Variants in ZNF343 observed in about 807,000 individuals in gnomAD.
The protein encoded by ZNF343 is zinc finger protein 343.
Under a neutral mutation model 13.8 loss-of-function variants are expected in ZNF343, and 11 were observed. The ratio of observed to expected loss-of-function variants is 0.80; its 90% CI spans 0.50 to 1.32. ZNF343 has a LOEUF of 1.32. Among genes scored for constraint, ZNF343 ranks in the 40% most tolerant of loss-of-function variants. The probability of loss-of-function intolerance (pLI) is 0.00; values close to 1 mark genes in which losing one functional copy is unlikely to be tolerated. For synonymous variants in ZNF343, 248 were observed against 260.0 expected (o/e 0.95, Z 0.44); for missense variants, 658 against 714.2 (o/e 0.92, Z 0.90).
intron 1 of ZNF343, among the ~76,000 whole-genome samples, chr20:2,504,777 A>C: frequency 6.6e-6 from 1 of 152,194 alleles, no homozygotes; most frequent in Non-Finnish European, 1.5e-5. Context: ...ACTCTCAATA[A>C]ATGAGGTATT....
chr20:2,511,203 T>A (rs1330968912), upstream of ZNF343, among the ~76,000 whole-genome samples: 1 of 151,812 alleles, frequency 6.6e-6, no homozygotes, highest in Non-Finnish European at 1.5e-5. Context: ...CTCAACCTCC[T>A]GGGCTCAAGT....
intron 2 of ZNF343, among the ~76,000 whole-genome samples, chr20:2,495,162 T>G (rs1029955688): frequency 1.3e-5 from 2 of 152,224 alleles, no homozygotes; most frequent in African/African-American, 4.8e-5. Flanking sequence ...TAGGTAGAGA[T>G]GACCACTCCC....
At position 2,484,002 on chromosome 20, in the gene ZNF343, GA is replaced by G. The variant is rs1205062850; in HGVS notation, c.958del (p.Ser320GlnfsTer291). 1 of 1,614,072 alleles carries G rather than the reference GA, an allele frequency of 6.2e-7. No homozygotes were observed. The highest frequency in any genetic ancestry group is 2.2e-5 in the East Asian group (1 of 44,872). ...CCTGCACAAATAAGGCTTCTCTTCT[GA>G]ATGTGTTCTCTGGTGTCTGCTGAGG... ...SNLSRHQRTH[S>X]EEKPYLCREC... is the part of the protein sequence containing the mutation. On this transcript the variant is annotated frameshift_variant, in exon 6 of 6. Coordinates refer to ENST00000278772, the MANE Select transcript of ZNF343 (RefSeq NM_024325.6). LOFTEE classifies it low-confidence loss of function (END_TRUNC).
intron 5 of ZNF343, among the ~76,000 whole-genome samples, chr20:2,485,845 T>A (rs1460174712): frequency 6.6e-6 from 1 of 152,216 alleles, no homozygotes; most frequent in Non-Finnish European, 1.5e-5. Context: ...CCGTATGTGC[T>A]CAAAGCTGCT....
At position 2,516,660 on chromosome 20, in the gene ZNF343, G is replaced by A. The variant is rs116772347; in HGVS notation, c.-347+7795C>T. ...AGTGTCAAGATGAAACTGAGGGTCA[G>A]GGTGAAGGTGAGAGTGAGGGAGAGT... On this transcript the variant is annotated intron_variant, in intron 1 of 6. Coordinates refer to the ZNF343 transcript ENST00000358413. 1.7e-3 allele frequency among the ~76,000 whole-genome samples: 253 copies of A among 152,194 alleles called. 1 individual carries two copies. The highest frequency in any genetic ancestry group is 6.8e-3 in the Middle Eastern group (2 of 294).
At chr20:2,512,919 CAAAAAAAA>C (rs71193970), upstream of ZNF343, among the ~76,000 whole-genome samples, 1 of 125,356 alleles carries the variant, frequency 8.0e-6, no homozygotes, top group Non-Finnish European at 1.7e-5. Flanking sequence ...ATTTCTCTAC[CAAAAAAAA>C]AAAAAAAAAA....
At chr20:2,524,072 C>A (rs1367204248) in intron 1 of ZNF343, among the ~76,000 whole-genome samples, 1 of 151,770 alleles carries the variant, frequency 6.6e-6, no homozygotes, top group Non-Finnish European at 1.5e-5. Context: ...ATAATCCCAT[C>A]ACTTTGGGAG....
At chr20:2,505,086 A>G (rs2085632844) in intron 1 of ZNF343, among the ~76,000 whole-genome samples, 1 of 152,242 alleles carries the variant, frequency 6.6e-6, no homozygotes, top group South Asian at 2.1e-4. Context: ...CCTTAAGCTG[A>G]TAGGCAACTT....
upstream of ZNF343, among the ~76,000 whole-genome samples, chr20:2,511,621 C>G (rs1163563511): frequency 6.6e-6 from 1 of 152,138 alleles, no homozygotes; most frequent in African/African-American, 2.4e-5. Flanking sequence ...AAATCTCTGT[C>G]CCTTCTGTTT....
chr20:2,494,496 C>T (rs1379333960), intron 2 of ZNF343, among the ~76,000 whole-genome samples: 3 of 152,078 alleles, frequency 2.0e-5, no homozygotes, highest in African/African-American at 7.2e-5. Flanking sequence ...TGGATGGGCA[C>T]AGTGGTTCAC....
intron 5 of ZNF343, chr20:2,491,818 T>C (rs1013030578): frequency 2.6e-5 from 4 of 152,178 alleles, no homozygotes; most frequent in African/African-American, 4.8e-5. Context: ...TATGTTGCAA[T>C]TGATAACATT....
At chr20:2,523,508 T>A (rs879859021) in intron 1 of ZNF343, among the ~76,000 whole-genome samples, 42 of 151,960 alleles carry the variant, frequency 2.8e-4, no homozygotes, top group African/African-American at 4.3e-4. Context: ...AGAATCAGAG[T>A]AACATTTATA....
intron 1 of ZNF343, among the ~76,000 whole-genome samples, chr20:2,520,259 A>G (rs1209199532): frequency 6.6e-6 from 1 of 152,204 alleles, no homozygotes; most frequent in Non-Finnish European, 1.5e-5. Flanking sequence ...TATGAAGTTT[A>G]TATATCATTT....
At chr20:2,501,529 G>A (rs910501272) in intron 1 of ZNF343, among the ~76,000 whole-genome samples, 11 of 152,202 alleles carry the variant, frequency 7.2e-5, no homozygotes, top group Non-Finnish European at 1.3e-4. Context: ...GTGGGTCCCT[G>A]ACCCCTGAGT....
intron 2 of ZNF343, among the ~76,000 whole-genome samples, chr20:2,499,409 G>A (rs2085519922): frequency 1.0e-5 from 1 of 97,440 alleles, no homozygotes; most frequent in African/African-American, 3.9e-5. Flanking sequence ...AGCTTGCAGT[G>A]AGCCGAGATC....
chr20:2,496,858 A>C (rs2085467608), intron 2 of ZNF343, among the ~76,000 whole-genome samples: 1 of 152,186 alleles, frequency 6.6e-6, no homozygotes, highest in Non-Finnish European at 1.5e-5. Flanking sequence ...AGGTGGGCAG[A>C]TCACCTGAGG....
Position 2,493,519 on chromosome 20 carries a change from C to G in ZNF343, c.177G>C (p.Val59=), listed in dbSNP as rs1167208254. 1 of 1,613,154 alleles carries G rather than the reference C, an allele frequency of 6.2e-7. No homozygotes were observed. The highest frequency in any genetic ancestry group is 8.5e-7 in the Non-Finnish European group (1 of 1,179,512). The change falls in exon 4 of 6, where the codon GTG becomes GTC. Residue 59 remains valine, a splice_region_variant and synonymous_variant. Coordinates refer to ENST00000278772, the MANE Select transcript of ZNF343 (RefSeq NM_024325.6). ...AAAAAAAAATGTAACCCCAACTCAC[C>G]ACTATTTGGGCCTTTCCCTCCTTTT... ...PQKKEGKAQI[V]VPVTFRDVTV...
chr20:2,499,094 G>A (rs1309833827), intron 2 of ZNF343, among the ~76,000 whole-genome samples: 1 of 151,688 alleles, frequency 6.6e-6, no homozygotes, highest in African/African-American at 2.4e-5. Context: ...CAAAGTGCTG[G>A]GATTACAGGC....
intron 1 of ZNF343, among the ~76,000 whole-genome samples, chr20:2,501,189 G>A (rs2085559083): frequency 6.6e-6 from 1 of 152,170 alleles, no homozygotes; most frequent in Admixed American, 6.5e-5. Context: ...TGGGTCCTAC[G>A]CCCATGGACC....
Sources: gnomAD v4.1 joint callset for allele counts (sites outside exome capture counted in the v4.1 genomes callset) on GRCh38, gnomAD v4.1.1 for gene constraint, MANE v1.5 for transcripts, NCBI Gene and HGNC (gene_info 2026-07-23, HGNC 2026-07-21) for gene names.